The following AGBL1 variants were observed in gnomAD, a reference collection of about 807,000 sequenced individuals.
The protein encoded by AGBL1 is cytosolic carboxypeptidase 4.
A neutral mutation model predicts 118.9 loss-of-function variants in AGBL1; 130 were observed. The ratio of observed to expected loss-of-function variants is 1.09; its 90% CI spans 0.95 to 1.26. The LOEUF (loss-of-function observed/expected upper bound fraction) is 1.26. AGBL1 is among the 50% of genes most tolerant of loss of function. The probability of loss-of-function intolerance (pLI) is 0.00; values close to 1 mark genes in which losing one functional copy is unlikely to be tolerated. For missense variants in AGBL1, 1,584 were observed against 1,298.1 expected, an observed-to-expected ratio of 1.22 and a Z score of -3.38; for synonymous variants, 555 against 478.9, an observed-to-expected ratio of 1.16 and a Z score of -2.08.
In AGBL1 at chr15:86,264,290, C is replaced by T; in HGVS notation, c.1119C>T (p.Asn373=). ...AGTCCAAACTTGGAGATGATTTGAA[C>T]TCTGAAAAGACTCAGTATGCCAATC... ...ELQSKLGDDL[N]SEKTQYANHH... is the part of the protein sequence containing the mutation. The change falls in exon 11 of 23, where the codon AAC becomes AAT. Residue 373 remains asparagine, a synonymous_variant. Coordinates refer to ENST00000614907, the MANE Select transcript of AGBL1 (RefSeq NM_001386094.1). 5 of 1,606,024 alleles carry T rather than the reference C, an allele frequency of 3.1e-6. No individual in the cohort carries two copies. The highest frequency in any genetic ancestry group is 2.6e-6 in the Non-Finnish European group (3 of 1,176,262).
intron 21 of AGBL1, among the ~76,000 whole-genome samples, chr15:86,638,354 G>A (rs951536151): frequency 6.6e-6 from 1 of 152,144 alleles, no homozygotes; most frequent in Non-Finnish European, 1.5e-5. Context: ...TCTTTGTAAT[G>A]ATCTTCCAAG....
At position 86,153,500 on chromosome 15, in the gene AGBL1, G is replaced by A. The variant is rs530129987; in HGVS notation, c.263-930G>A. The stretch of plus-strand genomic sequence containing the variant: ...CAGGGCAGTGAACATCACACACCGG[G>A]GCCTGTCGTGGGGTGGGGGGCAGGG... On this transcript the variant is annotated intron_variant, in intron 3 of 22. Coordinates refer to ENST00000614907, the MANE Select transcript of AGBL1 (RefSeq NM_001386094.1). Among the ~76,000 whole-genome samples, 4 of 152,024 alleles carry A rather than the reference G, an allele frequency of 2.6e-5. No individual in the cohort carries two copies. In the South Asian group the frequency reaches 8.4e-4, roughly 32 times the overall value.
chr15:86,770,914 C>T (rs1461536764), intron 22 of AGBL1, among the ~76,000 whole-genome samples: 1 of 152,052 alleles, frequency 6.6e-6, no homozygotes, highest in African/African-American at 2.4e-5. Flanking sequence ...AGCTAGATTA[C>T]CTATCTCAGC....
intron 5 of AGBL1, among the ~76,000 whole-genome samples, chr15:86,189,619 T>A (rs2141823685): frequency 6.6e-6 from 1 of 152,230 alleles, no homozygotes; most frequent in South Asian, 2.1e-4. Flanking sequence ...CCCTCCTCTC[T>A]CTCTCTTTCT....
intron 13 of AGBL1, among the ~76,000 whole-genome samples, chr15:86,268,689 T>C (rs956219197): frequency 1.3e-5 from 2 of 152,194 alleles, no homozygotes; most frequent in Admixed American, 6.5e-5. Flanking sequence ...AGAATTGTTC[T>C]TGTGAGTGCC....
chr15:86,828,290 G>T (rs1391648803), intron 22 of AGBL1, among the ~76,000 whole-genome samples: 1 of 151,868 alleles, frequency 6.6e-6, no homozygotes, highest in Non-Finnish European at 1.5e-5. Flanking sequence ...CATTCTGGCA[G>T]GCTGAATAAT....
intron 22 of AGBL1, among the ~76,000 whole-genome samples, chr15:86,698,791 C>T (rs1449207262): frequency 1.3e-5 from 2 of 151,598 alleles, no homozygotes; most frequent in Non-Finnish European, 2.9e-5. Flanking sequence ...ACGTGAAATG[C>T]CATTCTGAGA....
chr15:86,960,311 G>T (rs111800281), intron 23 of AGBL1, among the ~76,000 whole-genome samples: 18 of 151,746 alleles, frequency 1.2e-4, no homozygotes, highest in Non-Finnish European at 2.4e-4. Context: ...TTCTTTCCTT[G>T]TACAACTTAT....
chr15:86,398,899 T>TAC (rs201004488), intron 18 of AGBL1, among the ~76,000 whole-genome samples: 10 of 152,020 alleles, frequency 6.6e-5, no homozygotes, highest in East Asian at 1.9e-4. Context: ...AAAATTTCAG[T>TAC]ACACACACAC....
chr15:86,273,276 A>T (rs993812285), intron 15 of AGBL1, among the ~76,000 whole-genome samples: 1 of 152,224 alleles, frequency 6.6e-6, no homozygotes, highest in African/African-American at 2.4e-5. Flanking sequence ...CAATGCTGAT[A>T]GCTTTTAGAG....
intron 5 of AGBL1, among the ~76,000 whole-genome samples, chr15:86,171,127 C>A (rs186040368): frequency 6.6e-6 from 1 of 152,032 alleles, no homozygotes; most frequent in Non-Finnish European, 1.5e-5. Flanking sequence ...CAGACTCTCA[C>A]GCCAAGAAAT....
intron 24 of AGBL1, among the ~76,000 whole-genome samples, chr15:87,010,177 A>G (rs944417089): frequency 2.0e-5 from 3 of 152,172 alleles, no homozygotes; most frequent in Admixed American, 1.3e-4. Context: ...GTGGGAGACA[A>G]TTGAATCATG....
intron 22 of AGBL1, among the ~76,000 whole-genome samples, chr15:86,809,350 C>T (rs1191225628): frequency 6.6e-6 from 1 of 152,164 alleles, no homozygotes; most frequent in Non-Finnish European, 1.5e-5. Context: ...ACTCCTTCTA[C>T]CCTCAAAAGC....
intron 16 of AGBL1, among the ~76,000 whole-genome samples, chr15:86,282,689 A>G (rs1412738761): frequency 6.6e-6 from 1 of 152,184 alleles, no homozygotes; most frequent in Non-Finnish European, 1.5e-5. Context: ...CTAACCAGTC[A>G]TTTTTGTTTT....
At chr15:86,751,329 C>G (rs537361201) in intron 22 of AGBL1, among the ~76,000 whole-genome samples, 1 of 152,096 alleles carries the variant, frequency 6.6e-6, no homozygotes, top group African/African-American at 2.4e-5. Flanking sequence ...GAGTCATATG[C>G]AGAAGGTTGA....
chr15:86,683,950 TA>T (rs762234635), intron 22 of AGBL1, among the ~76,000 whole-genome samples: 1 of 152,170 alleles, frequency 6.6e-6, no homozygotes, highest in Non-Finnish European at 1.5e-5. Context: ...TTCTTTTTAT[TA>T]AGTACCCTGT....
chr15:86,142,001 C>T lies in AGBL1; in HGVS notation c.52-3C>T, dbSNP rs2076969608. The T allele has an allele frequency of 6.5e-7, 1 of 1,549,738 alleles. No homozygotes were observed. Among genetic ancestry groups the T allele is most frequent in the East Asian group, 2.4e-5 (1 of 40,904 alleles). ...AATATGGCTGCCTGTGTTCTCATTG[C>T]AGAGCTCCTCTGACAAGGAGTCCAT... On this transcript the variant is annotated splice_region_variant and splice_polypyrimidine_tract_variant and intron_variant, in intron 1 of 22. Transcript: ENST00000614907.
At chr15:87,004,067 A>G (rs148970088) in intron 24 of AGBL1, among the ~76,000 whole-genome samples, 156 of 152,240 alleles carry the variant, frequency 1.0e-3, no homozygotes, top group African/African-American at 3.7e-3. Flanking sequence ...TAGGGTATCA[A>G]TTTTAGATCT....
intron 18 of AGBL1, among the ~76,000 whole-genome samples, chr15:86,428,461 C>T (rs2081894040): frequency 6.6e-6 from 1 of 152,212 alleles, no homozygotes; most frequent in Non-Finnish European, 1.5e-5. Flanking sequence ...AATACACGGA[C>T]TTCTTTAACT....
Sources: allele counts gnomAD v4.1 joint callset (sites outside exome capture counted in the v4.1 genomes callset), GRCh38; gene constraint gnomAD v4.1.1; transcripts MANE v1.5; gene names NCBI Gene and HGNC (gene_info 2026-07-23, HGNC 2026-07-21).